ST6GALNAC3: variants seen among roughly 807,000 people sequenced by gnomAD.
ST6GALNAC3 encodes ST6 N-acetylgalactosaminide alpha-2,6-sialyltransferase 3.
Under a neutral mutation model 32.7 loss-of-function variants are expected in ST6GALNAC3, and 25 were observed. The observed-to-expected ratio is 0.76, with a 90% CI of 0.56 to 1.07. The LOEUF is 1.07. Among genes scored for constraint, ST6GALNAC3 ranks in the 50% least tolerant of loss-of-function variants. The probability of loss-of-function intolerance (pLI) is 0.00; values close to 1 mark genes in which losing one functional copy is unlikely to be tolerated. For synonymous variants in ST6GALNAC3, 129 were observed against 133.1 expected (o/e 0.97, Z 0.21); for missense variants, 355 against 382.4 (o/e 0.93, Z 0.60).
At chr1:76,417,566 A>G (rs1356240054) in intron 3 of ST6GALNAC3, among the ~76,000 whole-genome samples, 1 of 152,174 alleles carries the variant, frequency 6.6e-6, no homozygotes. Context: ...GCACACACAT[A>G]TGCAAAAGGA....
chr1:76,592,847 C>T (rs529419240), intron 3 of ST6GALNAC3, among the ~76,000 whole-genome samples: 61 of 152,074 alleles, frequency 4.0e-4, no homozygotes, highest in Non-Finnish European at 2.4e-4. Flanking sequence ...CATTTGGGGA[C>T]GCAGAGGAGA....
Position 76,313,924 on chromosome 1 carries a change from G to C in ST6GALNAC3, c.138G>C (p.Lys46Asn). 6.2e-7 allele frequency: 1 copy of C among 1,613,636 alleles called. No homozygotes were observed. Among genetic ancestry groups the C allele is most frequent in the East Asian group, 2.2e-5 (1 of 44,852 alleles). ...ACTGCTTTGGACAACCTGGTACAAA[G>C]TGGATACCATTCTCCTACACATACA... Reference protein sequence around the residue: ...LLNCFGQPGTKWIPFSYTYRR... With the variant: ...LLNCFGQPGTNWIPFSYTYRR... Residue 46 changes from lysine (K) to asparagine (N), a missense_variant, in exon 2 of 5, where the codon AAG becomes AAC. Lys to Asn is a moderately conservative substitution (Grantham distance 94). Coordinates refer to ENST00000328299, the MANE Select transcript of ST6GALNAC3 (RefSeq NM_152996.4).
intron 1 of ST6GALNAC3, among the ~76,000 whole-genome samples, chr1:76,249,483 CCA>C (rs1188145940): frequency 6.6e-6 from 1 of 151,904 alleles, no homozygotes; most frequent in African/African-American, 2.4e-5. Context: ...CTTTTTATTG[CCA>C]CATATATTCC....
intron 2 of ST6GALNAC3, among the ~76,000 whole-genome samples, chr1:76,394,586 G>A (rs1652802065): frequency 6.6e-6 from 1 of 152,006 alleles, no homozygotes; most frequent in Non-Finnish European, 1.5e-5. Flanking sequence ...CAGGTTTTGA[G>A]GTGTTATCTA....
At chr1:76,485,934 C>T (rs531384204) in intron 3 of ST6GALNAC3, among the ~76,000 whole-genome samples, 33 of 152,280 alleles carry the variant, frequency 2.2e-4, no homozygotes, top group African/African-American at 7.2e-4. Context: ...TCTTTGTTCT[C>T]ATTGGTTTCA....
Position 76,358,512 on chromosome 1 carries a change from A to G in ST6GALNAC3, c.213+44513A>G, listed in dbSNP as rs115947156. ...CTAGTTTTTACCTCCTAATGTATCT[A>G]AAATCTACTTAGAGATAGATCATTT... On this transcript the variant is annotated intron_variant, in intron 2 of 4. Transcript: ENST00000328299. Among the ~76,000 whole-genome samples, 1,250 of 152,278 alleles carry G rather than the reference A, an allele frequency of 8.2e-3. 13 individuals are homozygous for G. The highest frequency in any genetic ancestry group is 9.8e-3 in the Non-Finnish European group (669 of 68,014).
chr1:76,435,166 A>G (rs1300830926), intron 3 of ST6GALNAC3, among the ~76,000 whole-genome samples: 1 of 152,114 alleles, frequency 6.6e-6, no homozygotes, highest in African/African-American at 2.4e-5. Context: ...TTCTTTATCT[A>G]TAAAATTGAC....
chr1:76,211,527 G>T (rs1431082917), intron 1 of ST6GALNAC3, among the ~76,000 whole-genome samples: 3 of 152,164 alleles, frequency 2.0e-5, no homozygotes, highest in African/African-American at 7.2e-5. Context: ...CAAAGACTTG[G>T]ACCCAAGTCA....
intron 1 of ST6GALNAC3, among the ~76,000 whole-genome samples, chr1:76,277,850 G>C (rs983263069): frequency 6.6e-6 from 1 of 151,694 alleles, no homozygotes; most frequent in African/African-American, 2.4e-5. Flanking sequence ...GTGTGCCTTT[G>C]GTCTGTTGTC....
chr1:76,549,501 C>T (rs1034682761), intron 3 of ST6GALNAC3, among the ~76,000 whole-genome samples: 6 of 151,432 alleles, frequency 4.0e-5, no homozygotes, highest in Non-Finnish European at 7.4e-5. Context: ...CCTTTTTGGT[C>T]TATTTGTTTA....
chr1:76,285,683 C>A (rs2100800509), intron 1 of ST6GALNAC3, among the ~76,000 whole-genome samples: 1 of 152,088 alleles, frequency 6.6e-6, no homozygotes, highest in African/African-American at 2.4e-5. Context: ...CCAAAAAAGT[C>A]ATTGTGCAGC....
At chr1:76,614,507 C>G (rs1648148229) in intron 3 of ST6GALNAC3, among the ~76,000 whole-genome samples, 1 of 151,818 alleles carries the variant, frequency 6.6e-6, no homozygotes, top group Non-Finnish European at 1.5e-5. Context: ...ATCACGAGGT[C>G]AGGAGATGGA....
intron 1 of ST6GALNAC3, among the ~76,000 whole-genome samples, chr1:76,235,587 T>A (rs1656605959): frequency 6.6e-6 from 1 of 151,804 alleles, no homozygotes; most frequent in Non-Finnish European, 1.5e-5. Context: ...TCTTAGGTTA[T>A]TTCTCTCATT....
At position 76,312,125 on chromosome 1, in the gene ST6GALNAC3, C is replaced by T. The variant is rs1246020728; in HGVS notation, c.19-1680C>T. The stretch of plus-strand genomic sequence containing the variant: ...AACAGAGGCCTCAGAAATAATGCCA[C>T]ACATCTACAACCATCTGACCTTTGA... On this transcript the variant is annotated intron_variant, in intron 1 of 4. Transcript: ENST00000328299. Among the ~76,000 whole-genome samples the T allele has an allele frequency of 4.0e-5, 6 of 151,832 alleles. No homozygotes were observed. In the East Asian group the frequency reaches 1.2e-3, roughly 29 times the overall value.
intron 3 of ST6GALNAC3, among the ~76,000 whole-genome samples, chr1:76,562,810 A>G (rs1665323443): frequency 6.6e-6 from 1 of 152,256 alleles, no homozygotes; most frequent in Non-Finnish European, 1.5e-5. Context: ...AATAAAGGTC[A>G]GAGAGACAAT....
chr1:76,169,092 C>T (rs568823681), intron 1 of ST6GALNAC3, among the ~76,000 whole-genome samples: 5 of 151,980 alleles, frequency 3.3e-5, no homozygotes, highest in African/African-American at 1.2e-4. Flanking sequence ...GCTGGTAATG[C>T]TTTCCTTTCC....
intron 3 of ST6GALNAC3, among the ~76,000 whole-genome samples, chr1:76,487,543 C>T (rs777429808): frequency 1.5e-4 from 23 of 152,178 alleles, no homozygotes; most frequent in South Asian, 4.1e-4. Flanking sequence ...GTGCATTCAT[C>T]GCGTAGTTCT....
At chr1:76,340,527 G>C (rs776788731) in intron 2 of ST6GALNAC3, among the ~76,000 whole-genome samples, 6 of 152,176 alleles carry the variant, frequency 3.9e-5, no homozygotes, top group Non-Finnish European at 8.8e-5. Context: ...CTCCTGCCTG[G>C]CCAGGGCCCA....
intron 3 of ST6GALNAC3, among the ~76,000 whole-genome samples, chr1:76,449,864 C>T (rs981463601): frequency 6.6e-6 from 1 of 151,932 alleles, no homozygotes; most frequent in African/African-American, 2.4e-5. Context: ...GGTATTTGGT[C>T]ACATATATAA....
Sources: allele counts gnomAD v4.1 joint callset (sites outside exome capture counted in the v4.1 genomes callset), GRCh38; gene constraint gnomAD v4.1.1; transcripts MANE v1.5; gene names NCBI Gene and HGNC (gene_info 2026-07-23, HGNC 2026-07-21).